ECPAS: variants seen among roughly 807,000 people sequenced by gnomAD.
ECPAS encodes the protein Ecm29 proteasome adaptor and scaffold, also known as proteasome adapter and scaffold protein ECM29.
Under a neutral mutation model 255.1 loss-of-function variants are expected in ECPAS, and 70 were observed. The observed-to-expected ratio is 0.27, with a 90% CI of 0.23 to 0.33. The LOEUF (loss-of-function observed/expected upper bound fraction) is 0.33. ECPAS is among the 10% of genes least tolerant of loss of function. ECPAS has a pLI of 1.00. For missense variants in ECPAS, 1,817 were observed against 2,206.4 expected (o/e 0.82, Z 3.54); for synonymous variants, 784 against 775.0 (o/e 1.01, Z -0.19).
intron 9 of ECPAS, among the ~76,000 whole-genome samples, chr9:111,428,526 C>T (rs1256650727): frequency 1.3e-5 from 2 of 152,144 alleles, no homozygotes; most frequent in Admixed American, 6.5e-5. Context: ...GTTCGCCTTA[C>T]TACAAGAGAA....
Position 111,425,443 on chromosome 9 carries a change from G to A in ECPAS, c.1190C>T (p.Thr397Ile). 1 of 1,599,288 alleles carries A rather than the reference G, an allele frequency of 6.3e-7. No individual in the cohort carries two copies. Among genetic ancestry groups the A allele is most frequent in the Non-Finnish European group, 8.5e-7 (1 of 1,174,048 alleles). ...PLGPMLLNGLTKLINEYKEDP... is the reference protein window; with the variant it reads ...PLGPMLLNGLIKLINEYKEDP... ...CTCTTTGTATTCATTGATTAGCTTG[G>A]TGAGGCCATTCAAAAGCATTGGACC... The change falls in exon 12 of 50, where the codon ACC (threonine) becomes ATC (isoleucine). Residue 397 changes from threonine (T) to isoleucine (I), a missense_variant. Transcript: ENST00000684092.
rs760088981 is a variant in ECPAS, at chr9:111,371,726, G to A, written c.4632C>T (p.Ala1544=). 1 of 1,613,430 alleles carries A rather than the reference G, an allele frequency of 6.2e-7. No individual in the cohort carries two copies. The highest frequency in any genetic ancestry group is 8.5e-7 in the Non-Finnish European group (1 of 1,179,522). ...SWKMKAQGAI[A]MASIAKQTSS... ...TAGTCTGTTTTGCAATTGATGCCAT[G>A]GCAATTGCACCCTGGGCTTTCATTT... Residue 1544 remains alanine, a synonymous_variant, in exon 43 of 50, where the codon GCC becomes GCT. Transcript: ENST00000684092.
intron 35 of ECPAS, among the ~76,000 whole-genome samples, chr9:111,379,808 G>A (rs575590665): frequency 4.6e-5 from 7 of 152,216 alleles, no homozygotes; most frequent in African/African-American, 1.7e-4. Context: ...TTTGCTCATC[G>A]ATAAGAAGCA....
rs1170558513 is a variant in ECPAS at position 111,386,432 on chromosome 9, GA to G, written c.3471del (p.Leu1158PhefsTer21). On this transcript the variant is annotated frameshift_variant, in exon 32 of 50. Transcript: ENST00000684092. LOFTEE classifies it high-confidence loss of function. ...GTAAGGTTCTTAACCAAATCTTGAA[GA>G]ATTTCTTTCAAATATTTATCCACCT... ...KSMVDKYLKEILQDLVKNLTS... is the reference protein window; with the variant it reads ...KSMVDKYLKEXLQDLVKNLTS... 6.3e-7 allele frequency: 1 copy of G among 1,595,688 alleles called. No homozygotes were observed. Among genetic ancestry groups the G allele is most frequent in the African/African-American group, 1.3e-5 (1 of 74,484 alleles).
chr9:111,373,612 A>G (rs2098130002), intron 39 of ECPAS, among the ~76,000 whole-genome samples: 1 of 150,728 alleles, frequency 6.6e-6, no homozygotes, highest in Non-Finnish European at 1.5e-5. Flanking sequence ...GTGGAAAAAG[A>G]TGCAAAATAA....
intron 27 of ECPAS, among the ~76,000 whole-genome samples, chr9:111,393,407 G>C (rs1159188021): frequency 6.6e-6 from 1 of 152,156 alleles, no homozygotes; most frequent in Non-Finnish European, 1.5e-5. Context: ...GTTAAAGAAG[G>C]CCTCGGCTCC....
chr9:111,409,983 T>G, intron 23 of ECPAS, 58 bp downstream of exon 23: 1 of 1,261,520 alleles, frequency 7.9e-7, no homozygotes, highest in Non-Finnish European at 1.1e-6. Flanking sequence ...CTGTTTTTGC[T>G]CATGTATGCA....
rs372984940 is a variant in ECPAS, at chr9:111,429,336, T to A, written c.931-1175A>T. On this transcript the variant is annotated intron_variant, in intron 9 of 49. Coordinates refer to ENST00000684092, the MANE Select transcript of ECPAS (RefSeq NM_001364929.1). ...GTCATCTGGTGACATGGCTTTGATA[T>A]GTGGTAGGAACCTAGCAAGTACACT... is the stretch of plus-strand genomic sequence containing the variant. Among the ~76,000 whole-genome samples the A allele has an allele frequency of 1.4e-4, 22 of 152,278 alleles. No homozygotes were observed. In the South Asian group the frequency reaches 4.6e-3, roughly 32 times the overall value.
intron 10 of ECPAS, among the ~76,000 whole-genome samples, chr9:111,426,353 A>G (rs968223279): frequency 1.3e-5 from 2 of 151,744 alleles, no homozygotes; most frequent in Admixed American, 1.3e-4. Context: ...TTTTTATGAC[A>G]AAGATTACTT....
intron 49 of ECPAS, 70 bp downstream of exon 49, chr9:111,363,518 A>C: frequency 1.1e-6 from 1 of 920,550 alleles, no homozygotes; most frequent in East Asian, 2.5e-5. Context: ...AGCAAAAACG[A>C]AACAAAAAAT....
chr9:111,479,531 T>C (rs1359947792), intron 1 of ECPAS, among the ~76,000 whole-genome samples: 1 of 151,964 alleles, frequency 6.6e-6, no homozygotes, highest in Non-Finnish European at 1.5e-5. Context: ...ATGTGGAGGT[T>C]GCAGTGAGCC....
In ECPAS at chr9:111,479,393, C is replaced by A. The variant is rs764156138; in HGVS notation, c.-83+4723G>T. Reference sequence around the variant, plus strand: ...GGGGCGGATCATGAGGTCAGGAGGTCGAGACCAGCCTGGCCAACACGGTGA... The same window carrying A: ...GGGGCGGATCATGAGGTCAGGAGGTAGAGACCAGCCTGGCCAACACGGTGA... On this transcript the variant is annotated intron_variant, in intron 1 of 49. Coordinates refer to ENST00000684092, the MANE Select transcript of ECPAS (RefSeq NM_001364929.1). Among the ~76,000 whole-genome samples, 1,056 of 151,924 alleles carry A rather than the reference C, an allele frequency of 7.0e-3. 20 individuals are homozygous for A. Among genetic ancestry groups the A allele is most frequent in the Non-Finnish European group, 3.7e-3 (250 of 67,970 alleles).
chr9:111,428,496 T>C (rs755750060), intron 9 of ECPAS, among the ~76,000 whole-genome samples: 3 of 152,196 alleles, frequency 2.0e-5, no homozygotes, highest in Non-Finnish European at 2.9e-5. Flanking sequence ...TGTTTTACAT[T>C]GTCTACTAAT....
rs747232413 is a variant in ECPAS, at chr9:111,371,648, G to A, written c.4710C>T (p.Gly1570=). The A allele has an allele frequency of 1.2e-6, 2 of 1,613,762 alleles. No homozygotes were observed. Among genetic ancestry groups the A allele is most frequent in the East Asian group, 2.2e-5 (1 of 44,874 alleles). ...TTCCTGCCCACGTTCTTCCAGCCAGGCCTTGCAGCAATGCGGTCAGTATCA... is the reference window on the plus strand; with the variant it reads ...TTCCTGCCCACGTTCTTCCAGCCAGACCTTGCAGCAATGCGGTCAGTATCA... ...LGMILTALLQ[G]LAGRTWAGKE... Residue 1570 remains glycine (G), a synonymous_variant, in exon 43 of 50, where the codon GGC becomes GGT. Coordinates refer to ENST00000684092, the MANE Select transcript of ECPAS (RefSeq NM_001364929.1).
chr9:111,425,305 G>A, intron 12 of ECPAS, 113 bp downstream of exon 12: 1 of 663,106 alleles, frequency 1.5e-6, no homozygotes, highest in East Asian at 3.1e-5. Context: ...AAATGTTAAG[G>A]AACAGTGAAA....
At chr9:111,466,940 A>C (rs1016742682) in intron 2 of ECPAS, among the ~76,000 whole-genome samples, 1 of 152,190 alleles carries the variant, frequency 6.6e-6, no homozygotes, top group Admixed American at 6.5e-5. Context: ...ATTCAAATTT[A>C]TCTTATTCGC....
chr9:111,484,273 G>C lies in ECPAS; in HGVS notation c.-240C>G. Reference sequence around the variant, plus strand: ...GGGCCCGGGCTGCCCTAGCGGCCGGGGGAAATCCTCGAGGCGGGGCCGGAG... The same window carrying C: ...GGGCCCGGGCTGCCCTAGCGGCCGGCGGAAATCCTCGAGGCGGGGCCGGAG... On this transcript the variant is annotated 5_prime_UTR_variant, in exon 1 of 50. Coordinates refer to ENST00000684092, the MANE Select transcript of ECPAS (RefSeq NM_001364929.1). 6.6e-7 allele frequency: 1 copy of C among 1,522,834 alleles called. No individual in the cohort carries two copies. Among genetic ancestry groups the C allele is most frequent in the African/African-American group, 1.4e-5 (1 of 71,240 alleles). 94.3% of individuals were successfully genotyped at this position (1,522,834 alleles called of 1,614,324 possible). A position where few individuals can be genotyped will look rare whatever the true frequency, so the allele number is the denominator to read the frequency against.
chr9:111,459,674 A>T (rs975794168), intron 2 of ECPAS, among the ~76,000 whole-genome samples: 1 of 152,210 alleles, frequency 6.6e-6, no homozygotes, highest in Admixed American at 6.5e-5. Flanking sequence ...AACTTAGTAC[A>T]AAGTCATAAT....
rs751645446 is a variant in ECPAS at position 111,373,447 on chromosome 9, C to A, written c.4178-41G>T. On this transcript the variant is annotated intron_variant, in intron 39 of 49. Coordinates refer to ENST00000684092, the MANE Select transcript of ECPAS (RefSeq NM_001364929.1). Reference sequence around the variant, plus strand: ...AGAAAAAAATCTGATACTTGGTTGACCAAATGTTCCACTCTGTTCCCAGAA... The same window carrying A: ...AGAAAAAAATCTGATACTTGGTTGAACAAATGTTCCACTCTGTTCCCAGAA... 42 of 1,536,980 alleles carry A rather than the reference C, an allele frequency of 2.7e-5. No individual in the cohort carries two copies. The East Asian group carries it at 9.2e-4, about 34-fold the overall frequency.
Sources: gnomAD v4.1 joint callset for allele counts (sites outside exome capture counted in the v4.1 genomes callset) on GRCh38, gnomAD v4.1.1 for gene constraint, MANE v1.5 for transcripts, NCBI Gene and HGNC (gene_info 2026-07-23, HGNC 2026-07-21) for gene names.